ZNF814: variants seen among roughly 807,000 people sequenced by gnomAD.
ZNF814 encodes zinc finger protein 814.
In ZNF814, 5 loss-of-function variants were observed where a neutral mutation model predicts 7.5. That is an observed-to-expected ratio of 0.67 (90% CI 0.35 to 1.40). The LOEUF (loss-of-function observed/expected upper bound fraction) is 1.40. Ranked by LOEUF, ZNF814 falls within the 40% of genes most tolerant of loss-of-function variation. The probability of loss-of-function intolerance (pLI) is 0.04; values close to 1 mark genes in which losing one functional copy is unlikely to be tolerated. For missense variants in ZNF814, 962 were observed against 1,018.0 expected (o/e 0.94, Z 0.75); for synonymous variants, 315 against 340.7 (o/e 0.92, Z 0.83).
At position 57,871,614 on chromosome 19, in the gene ZNF814, ATT is replaced by A. The variant is rs1007585166; in HGVS notation, c.*1206_*1207del. The A allele has an allele frequency of 3.9e-5, 6 of 152,010 alleles. No individual in the cohort carries two copies. The highest frequency in any genetic ancestry group is 8.8e-5 in the Non-Finnish European group (6 of 68,002). 9.4% of individuals were successfully genotyped at this position (152,010 alleles called of 1,614,324 possible). On this transcript the variant is annotated 3_prime_UTR_variant, in exon 3 of 3. Coordinates refer to ENST00000435989, the MANE Select transcript of ZNF814 (RefSeq NM_001144989.2). ...AGGATCATGACTTGGAGGGTAGAAA[ATT>A]TGTCAAGATTGATGTGATACCCACA... is the stretch of plus-strand genomic sequence containing the variant.
intron 1 of ZNF814, among the ~76,000 whole-genome samples, chr19:57,883,567 A>C (rs984718154): frequency 3.3e-5 from 5 of 151,164 alleles, no homozygotes; most frequent in Non-Finnish European, 5.9e-5. Flanking sequence ...AGGCTGAGGC[A>C]GGAGAATCGC....
In ZNF814 at chr19:57,873,380, A is replaced by C; in HGVS notation, c.2010T>G (p.Ser670Arg). The change falls in exon 3 of 3, where the codon AGT (serine) becomes AGG (arginine). Residue 670 changes from serine to arginine, a missense_variant. This residue lies in a region of ZNF814 where 665 missense variants were observed against 551.4 expected (regional missense o/e 1.21). Coordinates refer to ENST00000435989, the MANE Select transcript of ZNF814 (RefSeq NM_001144989.2). ...FKCGECGKCFSHKGNLILHQH... is the reference protein window; with the variant it reads ...FKCGECGKCFRHKGNLILHQH... ...GGTGTAGAATGAGGTTACCCTTGTGACTAAAACATTTCCCACATTCCCCAC... is the reference window on the plus strand; with the variant it reads ...GGTGTAGAATGAGGTTACCCTTGTGCCTAAAACATTTCCCACATTCCCCAC... 6.2e-7 allele frequency: 1 copy of C among 1,605,966 alleles called. No individual in the cohort carries two copies. The highest frequency in any genetic ancestry group is 8.5e-7 in the Non-Finnish European group (1 of 1,176,098).
intron 1 of ZNF814, 108 bp downstream of exon 1, chr19:57,888,659 T>G: frequency 7.1e-7 from 1 of 1,401,216 alleles, no homozygotes. Context: ...AGCGCCTCAG[T>G]GTCCCAACGC....
chr19:57,900,882 C>G, the ZNF814 span, among the ~76,000 whole-genome samples: 4 of 57,964 alleles, frequency 6.9e-5, no homozygotes, highest in South Asian at 8.8e-4. Context: ...GAGTCTTGCT[C>G]TGTCGCCCAG....
rs377246862 is a variant in ZNF814, at chr19:57,873,602, G to A, written c.1788C>T (p.Arg596=). The change falls in exon 3 of 3, where the codon CGC becomes CGT. Residue 596 remains arginine, a synonymous_variant. Transcript: ENST00000435989. ...CATAAGGCCTCTCTCCAGTATGAACGCGCTGATGGCTCCTAAGGTGCCCGA... is the reference window on the plus strand; with the variant it reads ...CATAAGGCCTCTCTCCAGTATGAACACGCTGATGGCTCCTAAGGTGCCCGA... The part of the protein sequence containing the change: ...SSIGHLRSHQ[R]VHTGERPYEC... 1.6e-5 allele frequency: 26 copies of A among 1,598,734 alleles called. No individual in the cohort carries two copies. Among genetic ancestry groups the A allele is most frequent in the South Asian group, 7.8e-5 (7 of 89,876 alleles).
chr19:57,901,213 A>G, the ZNF814 span, among the ~76,000 whole-genome samples: 1 of 152,196 alleles, frequency 6.6e-6, no homozygotes, highest in Non-Finnish European at 1.5e-5. Context: ...GACAAGAGAT[A>G]GTTGAAAGAG....
At chr19:57,875,368 G>A in intron 2 of ZNF814, 142 bp from the exon 3 acceptor site, 15 of 1,555,780 alleles carry the variant, frequency 9.6e-6, no homozygotes, top group African/African-American at 1.4e-5. Flanking sequence ...GCGGAAGATG[G>A]TGCTATGTAT....
At chr19:57,903,657 A>G in the ZNF814 span, among the ~76,000 whole-genome samples, 1 of 152,198 alleles carries the variant, frequency 6.6e-6, no homozygotes, top group Admixed American at 6.5e-5. Flanking sequence ...GAGGCAGCCA[A>G]TGGGTTGTCT....
chr19:57,874,160 A>G lies in ZNF814; in HGVS notation c.1230T>C (p.Cys410=). 1 of 1,591,862 alleles carries G rather than the reference A, an allele frequency of 6.3e-7. No individual in the cohort carries two copies. The highest frequency in any genetic ancestry group is 8.6e-7 in the Non-Finnish European group (1 of 1,168,950). Residue 410 remains cysteine, a synonymous_variant, in exon 3 of 3, where the codon TGT becomes TGC. Coordinates refer to ENST00000435989, the MANE Select transcript of ZNF814 (RefSeq NM_001144989.2). Reference sequence around the variant, plus strand: ...GACTAAAGGATTTCCCACATTCTCCACATTCATAATGTTTTTTGTCAGTGT... The same window carrying G: ...GACTAAAGGATTTCCCACATTCTCCGCATTCATAATGTTTTTTGTCAGTGT... ...RVHTDKKHYE[C]GECGKSFSQK...
Position 57,873,297 on chromosome 19 carries a change from TTAAA to T in ZNF814, c.2089_2092del (p.Phe697ArgfsTer215), listed in dbSNP as rs1247047350. On this transcript the variant is annotated frameshift_variant, in exon 3 of 3. Coordinates refer to ENST00000435989, the MANE Select transcript of ZNF814 (RefSeq NM_001144989.2). LOFTEE classifies it low-confidence loss of function (END_TRUNC). ...GTGTACAAGGAGGTGAGACTTCTTC[TTAAA>T]TAATTTTCCACATTCCCTACATACA... The T allele has an allele frequency of 3.1e-6, 5 of 1,589,648 alleles. No homozygotes were observed. Among genetic ancestry groups the T allele is most frequent in the Non-Finnish European group, 4.3e-6 (5 of 1,167,438 alleles).
the ZNF814 span, among the ~76,000 whole-genome samples, chr19:57,897,009 C>T: frequency 6.6e-6 from 1 of 152,114 alleles, no homozygotes; most frequent in Non-Finnish European, 1.5e-5. Flanking sequence ...GCACTGTGTG[C>T]TTACGGGCAT....
At chr19:57,885,321 CAAA>C (rs748029965) in intron 1 of ZNF814, among the ~76,000 whole-genome samples, 1 of 129,200 alleles carries the variant, frequency 7.7e-6, no homozygotes. Context: ...GACTCCGTCT[CAAA>C]AAAAAAAAAA....
At chr19:57,893,740 A>G (rs1294267827), upstream of ZNF814, among the ~76,000 whole-genome samples, 2 of 151,488 alleles carry the variant, frequency 1.3e-5, no homozygotes, top group Non-Finnish European at 2.9e-5. Context: ...CCAACATGGT[A>G]AAACCCCGTC....
At chr19:57,895,945 G>A in the ZNF814 span, among the ~76,000 whole-genome samples, 2 of 152,156 alleles carry the variant, frequency 1.3e-5, no homozygotes, top group Non-Finnish European at 2.9e-5. Context: ...GGCTCTTCCC[G>A]AAAGTCAGAG....
rs1050789743 is a variant in ZNF814, at chr19:57,871,243, A to C, written c.*1579T>G. On this transcript the variant is annotated 3_prime_UTR_variant, in exon 3 of 3. Transcript: ENST00000435989. ...TTTGTCTTGTTCAAAAAATGCCAGA[A>C]ATTGTCACAAAAAATGCCCTGTATC... is the stretch of plus-strand genomic sequence containing the variant. 2 of 151,444 alleles carry C rather than the reference A, an allele frequency of 1.3e-5. No individual in the cohort carries two copies. Among genetic ancestry groups the C allele is most frequent in the Non-Finnish European group, 2.9e-5 (2 of 68,038 alleles). The allele number at this position is 151,444 out of a possible 1,614,324, so 9.4% of individuals were successfully genotyped here. A position where few individuals can be genotyped will look rare whatever the true frequency, so the allele number is the denominator to read the frequency against.
the ZNF814 span, among the ~76,000 whole-genome samples, chr19:57,898,719 G>A: frequency 2.2e-4 from 34 of 152,192 alleles, no homozygotes; most frequent in Non-Finnish European, 3.8e-4. Context: ...GAGGCGGGTG[G>A]ATGGCAAGGT....
chr19:57,888,774 G>C lies in ZNF814; in HGVS notation c.29C>G (p.Ser10Cys), dbSNP rs1404028104. 6.4e-7 allele frequency: 1 copy of C among 1,552,908 alleles called. No homozygotes were observed. Residue 10 changes from serine to cysteine, a missense_variant, in exon 1 of 3, where the codon TCC becomes TGC. By Grantham distance (112) the Ser-to-Cys change is moderately radical. Transcript: ENST00000435989. Reference sequence around the variant, plus strand: ...AGAAGGCCCCACAATTACCTGAGCGGAGAGCCTCAGCGTAGCCGCGGCAGC... The same window carrying C: ...AGAAGGCCCCACAATTACCTGAGCGCAGAGCCTCAGCGTAGCCGCGGCAGC... MAAAATLRLSAQGTVTFEDV... is the reference protein window; with the variant it reads MAAAATLRLCAQGTVTFEDV...
At chr19:57,875,805 T>G (rs1165263038) in intron 2 of ZNF814, among the ~76,000 whole-genome samples, 1 of 152,014 alleles carries the variant, frequency 6.6e-6, no homozygotes, top group Non-Finnish European at 1.5e-5. Flanking sequence ...TAGACAAGTG[T>G]GATGCTCTCA....
the ZNF814 span, among the ~76,000 whole-genome samples, chr19:57,905,095 A>C: frequency 6.8e-6 from 1 of 148,112 alleles, no homozygotes; most frequent in Non-Finnish European, 1.5e-5. Flanking sequence ...AGAATCCTCG[A>C]ATGTTCTCTG....
Sources: gnomAD v4.1 joint callset for allele counts (sites outside exome capture counted in the v4.1 genomes callset) on GRCh38, gnomAD v4.1.1 for gene constraint, gnomAD v4.1.1 regional missense constraint, MANE v1.5 for transcripts, NCBI Gene and HGNC (gene_info 2026-07-23, HGNC 2026-07-21) for gene names.